The following PCDHGB2 variants were observed in gnomAD, a reference collection of about 807,000 sequenced individuals.
The protein encoded by PCDHGB2 is protocadherin gamma-B2.
PCDHGB2 carries 55 observed loss-of-function variants against 59.3 expected under a neutral mutation model. The ratio of observed to expected loss-of-function variants is 0.93; its 90% confidence interval spans 0.75 to 1.16. The LOEUF (loss-of-function observed/expected upper bound fraction) is 1.16, where lower values mean the gene tolerates loss of function less well. PCDHGB2 is among the 50% of genes most tolerant of loss of function. PCDHGB2 has a pLI of 0.00. For synonymous variants in PCDHGB2, 516 were observed against 512.0 expected (o/e 1.01, Z -0.11); for missense variants, 1,228 against 1,198.5 (o/e 1.02, Z -0.36).
chr5:141,465,995 A>C lies in PCDHGB2; in HGVS notation c.2422-28812A>C, dbSNP rs551920109. On this transcript the variant is annotated intron_variant, in intron 1 of 3. Coordinates refer to ENST00000522605, the MANE Select transcript of PCDHGB2 (RefSeq NM_018923.3). ...AAATTAGCCGGGCATGGTGGCAGGC[A>C]CCTGTAGTCCCAGCTACTCGGGAGG... Among the ~76,000 whole-genome samples the C allele has an allele frequency of 1.3e-4, 20 of 151,982 alleles. No homozygotes were observed. In the South Asian group the frequency reaches 4.2e-3, roughly 32 times the overall value.
At chr5:141,381,512 A>T (rs1777240689) in intron 1 of PCDHGB2, among the ~76,000 whole-genome samples, 1 of 152,218 alleles carries the variant, frequency 6.6e-6, no homozygotes, top group Non-Finnish European at 1.5e-5. Context: ...ATAGAGTAGG[A>T]TGAAGATTTG....
intron 1 of PCDHGB2, among the ~76,000 whole-genome samples, chr5:141,401,931 A>C: frequency 6.6e-6 from 1 of 152,352 alleles, no homozygotes; most frequent in Middle Eastern, 3.4e-3. Context: ...GATGCTTAGA[A>C]TAATGTTTAA....
intron 1 of PCDHGB2, chr5:141,471,361 C>T (rs1206745378): frequency 6.6e-6 from 1 of 151,976 alleles, no homozygotes; most frequent in Non-Finnish European, 1.5e-5. Context: ...TCCAAGCCCC[C>T]TATTTTTATT....
At chr5:141,414,564 C>G in intron 1 of PCDHGB2, 1 of 1,613,948 alleles carries the variant, frequency 6.2e-7, no homozygotes, top group East Asian at 2.2e-5. Context: ...CCTACTTTAC[C>G]TATATCCCAG....
rs2099713635 is a variant in PCDHGB2, at chr5:141,491,418, T to C, written c.2422-3389T>C. The C allele has an allele frequency of 6.2e-7, 1 of 1,613,796 alleles. No individual in the cohort carries two copies. Among genetic ancestry groups the C allele is most frequent in the Non-Finnish European group, 8.5e-7 (1 of 1,179,944 alleles). On this transcript the variant is annotated intron_variant, in intron 1 of 3. Transcript: ENST00000522605. The surrounding 1 kb of genome is among the most constrained non-coding windows in gnomAD (Gnocchi z 6.9). The stretch of plus-strand genomic sequence containing the variant: ...AGGGAAACGCAGACGGGGACGGGGG[T>C]GGAGGGCAGTGCTGCAGGCGCCAGG...
rs754618010 is a variant in PCDHGB2 at position 141,370,745 on chromosome 5, T to G, written c.2421+8189T>G. 19 of 1,613,834 alleles carry G rather than the reference T, an allele frequency of 1.2e-5. 1 individual carries two copies. In the South Asian group the frequency reaches 2.1e-4, roughly 18 times the overall value. ...TTGCTGAAAAGCCTTTAAACTTTTT[T>G]CATGTAACTGTGCTGATCCAGGATA... On this transcript the variant is annotated intron_variant, in intron 1 of 3. Coordinates refer to ENST00000522605, the MANE Select transcript of PCDHGB2 (RefSeq NM_018923.3).
intron 1 of PCDHGB2, chr5:141,387,557 G>C (rs571413429): frequency 2.4e-6 from 1 of 416,144 alleles, no homozygotes; most frequent in South Asian, 5.2e-5. Context: ...TTTCAGTTAG[G>C]CACACAATTA....
At chr5:141,508,835 C>T (rs1190105775) in intron 3 of PCDHGB2, among the ~76,000 whole-genome samples, 12 of 152,158 alleles carry the variant, frequency 7.9e-5, no homozygotes, top group African/African-American at 2.9e-4. Flanking sequence ...CCCCCCTCCC[C>T]TACCCCTTCC....
chr5:141,404,907 C>T (rs2094582940), intron 1 of PCDHGB2: 1 of 1,613,890 alleles, frequency 6.2e-7, no homozygotes. Context: ...CATGGCCAGC[C>T]CCCTCTCTCG....
At chr5:141,365,434 G>C (rs770375441) in intron 1 of PCDHGB2, 7 of 1,614,020 alleles carry the variant, frequency 4.3e-6, no homozygotes, top group Non-Finnish European at 5.9e-6. Flanking sequence ...TAATCGCGCT[G>C]TTTAGCGTAC....
At chr5:141,420,353 G>C (rs1281948860) in intron 1 of PCDHGB2, 1 of 1,382,260 alleles carries the variant, frequency 7.2e-7, no homozygotes, top group African/African-American at 1.5e-5. Context: ...ATTATTTTAA[G>C]ATTCTAGATA....
chr5:141,419,794 T>G, intron 1 of PCDHGB2: 1 of 1,614,048 alleles, frequency 6.2e-7, no homozygotes, highest in Non-Finnish European at 8.5e-7. Flanking sequence ...TGCTAGTCGC[T>G]GTAAGAGATG....
At chr5:141,422,498 C>G in intron 1 of PCDHGB2, 1 of 1,613,966 alleles carries the variant, frequency 6.2e-7, no homozygotes. Context: ...ATAACGTTGA[C>G]AGCCACAGAC....
chr5:141,466,646 T>C (rs954003023), intron 1 of PCDHGB2, among the ~76,000 whole-genome samples: 11 of 152,210 alleles, frequency 7.2e-5, no homozygotes, highest in African/African-American at 2.4e-4. Context: ...CATAAACTTT[T>C]CACAAAACAT....
intron 1 of PCDHGB2, among the ~76,000 whole-genome samples, chr5:141,455,243 A>G (rs945218710): frequency 1.3e-5 from 2 of 152,146 alleles, no homozygotes; most frequent in Non-Finnish European, 2.9e-5. Flanking sequence ...GTTAAAGGTC[A>G]TAGTACAATC....
chr5:141,362,791 C>A (rs1561527950), intron 1 of PCDHGB2, among the ~76,000 whole-genome samples: 2 of 152,318 alleles, frequency 1.3e-5, no homozygotes, highest in East Asian at 3.9e-4. Flanking sequence ...TCTTTTTCTT[C>A]CTCATCTTTA....
intron 1 of PCDHGB2, chr5:141,420,314 A>G (rs1454977890): frequency 6.9e-7 from 1 of 1,442,692 alleles, no homozygotes; most frequent in African/African-American, 1.4e-5. Flanking sequence ...TTTATATTAC[A>G]ATATGCCAAT....
chr5:141,400,150 C>T (rs1375670164), intron 1 of PCDHGB2: 3 of 1,613,952 alleles, frequency 1.9e-6, no homozygotes, highest in Non-Finnish European at 2.5e-6. Flanking sequence ...CACTGACCGC[C>T]CTGTACCCTC....
At chr5:141,393,194 C>A in intron 1 of PCDHGB2, 2 of 1,613,362 alleles carry the variant, frequency 1.2e-6, no homozygotes, top group Non-Finnish European at 1.7e-6. Context: ...TTGATATTAA[C>A]GATAATAACC....
Sources: gnomAD v4.1 joint callset for allele counts (sites outside exome capture counted in the v4.1 genomes callset) on GRCh38, gnomAD v4.1.1 for gene constraint, Gnocchi (gnomAD v3.1) non-coding constraint, MANE v1.5 for transcripts, NCBI Gene and HGNC (gene_info 2026-07-23, HGNC 2026-07-21) for gene names.